Variants in NTNG2 observed in about 807,000 individuals in gnomAD.
NTNG2 encodes netrin-G2.
Under a neutral mutation model 47.6 loss-of-function variants are expected in NTNG2, and 15 were observed. The observed-to-expected ratio is 0.32, with a 90% CI of 0.21 to 0.49. NTNG2 has a LOEUF of 0.49. NTNG2 is among the 20% of genes least tolerant of loss of function. NTNG2 has a pLI of 0.99. For missense variants in NTNG2, 578 were observed against 764.6 expected, an observed-to-expected ratio of 0.76 and a Z score of 2.88; for synonymous variants, 307 against 324.6, an observed-to-expected ratio of 0.95 and a Z score of 0.58.
rs538095731 is a variant in NTNG2, at chr9:132,191,593, T to C, written c.214-6373T>C. Among the ~76,000 whole-genome samples, 133 of 152,190 alleles carry C rather than the reference T, an allele frequency of 8.7e-4. 1 individual carries two copies. Among genetic ancestry groups the C allele is most frequent in the African/African-American group, 3.0e-3 (124 of 41,536 alleles). ...TTTTTTTTTTCTTTTAGACAGAGTCTTGCTCTGTCGCCCAGGCTGGAGTGC... is the reference window on the plus strand; with the variant it reads ...TTTTTTTTTTCTTTTAGACAGAGTCCTGCTCTGTCGCCCAGGCTGGAGTGC... On this transcript the variant is annotated intron_variant, in intron 2 of 7. Transcript: ENST00000393229.
chr9:132,177,821 C>G (rs1387341736), intron 2 of NTNG2, among the ~76,000 whole-genome samples: 1 of 152,132 alleles, frequency 6.6e-6, no homozygotes, highest in African/African-American at 2.4e-5. Context: ...GCACGCCCAG[C>G]TAATTTTTGT....
At chr9:132,177,643 T>TG (rs1836565884) in intron 2 of NTNG2, among the ~76,000 whole-genome samples, 1 of 152,156 alleles carries the variant, frequency 6.6e-6, no homozygotes, top group Admixed American at 6.5e-5. Context: ...CTCAAATCTC[T>TG]GGGTTTTTTT....
chr9:132,171,141 T>C (rs1589364809), intron 2 of NTNG2, among the ~76,000 whole-genome samples: 1 of 152,020 alleles, frequency 6.6e-6, no homozygotes, highest in Non-Finnish European at 1.5e-5. Context: ...CAGTGGAAGG[T>C]TCCAGAGAGA....
At position 132,231,824 on chromosome 9, in the gene NTNG2, A is replaced by C. The variant is rs962912827; in HGVS notation, c.1054+1229A>C. 6.3e-6 allele frequency: 1 copy of C among 157,674 alleles called. No individual in the cohort carries two copies. Among genetic ancestry groups the C allele is most frequent in the South Asian group, 1.7e-4 (1 of 5,762 alleles). 9.8% of individuals were successfully genotyped at this position (157,674 alleles called of 1,614,324 possible). ...AGGGTACAGCGACCCCTGTCATCCC[A>C]CCCTCTCCTGCTTCTAGCCTGGGTC... On this transcript the variant is annotated intron_variant, in intron 5 of 7. Transcript: ENST00000393229. This position sits in a 1 kb window ranked among gnomAD's most constrained non-coding sequence, Gnocchi z 4.1.
In NTNG2 at chr9:132,240,911, G is replaced by A; in HGVS notation, c.1224G>A (p.Glu408=). Residue 408 remains glutamate (E), a splice_region_variant and synonymous_variant, in exon 7 of 8, where the codon GAG becomes GAA. Coordinates refer to ENST00000393229, the MANE Select transcript of NTNG2 (RefSeq NM_032536.4). The part of the protein sequence containing the change: ...AELDDENVCI[E]CNCNQIGSVH... ...GCGCCCGTGCCCGTGTCCGTCCAGA[G>A]TGTAACTGCAACCAGATAGGCTCCG... The A allele has an allele frequency of 6.2e-7, 1 of 1,612,914 alleles. No individual in the cohort carries two copies. The highest frequency in any genetic ancestry group is 8.5e-7 in the Non-Finnish European group (1 of 1,179,848).
At chr9:132,209,465 G>A (rs947887911) in intron 3 of NTNG2, among the ~76,000 whole-genome samples, 7 of 152,196 alleles carry the variant, frequency 4.6e-5, no homozygotes, top group East Asian at 1.9e-4. Context: ...CCGGGGAGCC[G>A]GGCGGGCTGC....
At chr9:132,170,626 G>A (rs557750063) in intron 2 of NTNG2, among the ~76,000 whole-genome samples, 7 of 152,322 alleles carry the variant, frequency 4.6e-5, no homozygotes, top group South Asian at 2.1e-4. Context: ...TGTGGTCCCC[G>A]TGAGAGGAAG....
At chr9:132,241,241 G>C (rs1452329034) in intron 7 of NTNG2, among the ~76,000 whole-genome samples, 197 bp downstream of exon 7, 1 of 151,226 alleles carries the variant, frequency 6.6e-6, no homozygotes, top group Non-Finnish European at 1.5e-5. Context: ...ACGGGGCAGG[G>C]CCGGGGCAGT....
chr9:132,178,593 G>A (rs1042275478), intron 2 of NTNG2, among the ~76,000 whole-genome samples: 22 of 151,774 alleles, frequency 1.4e-4, no homozygotes, highest in African/African-American at 4.6e-4. Context: ...CCCAGGCCCC[G>A]AGTTCCCCAA....
In NTNG2 at chr9:132,242,613, A is replaced by C. The variant is rs751828787; in HGVS notation, c.*502A>C. 6.6e-6 allele frequency: 1 copy of C among 151,518 alleles called. No individual in the cohort carries two copies. The highest frequency in any genetic ancestry group is 3.4e-3 in the Middle Eastern group (1 of 294). The allele number at this position is 151,518 out of a possible 1,614,324, so 9.4% of individuals were successfully genotyped here. A position where few individuals can be genotyped will look rare whatever the true frequency, so the allele number is the denominator to read the frequency against. ...CTATTCTTTATTTTTCCTGCAACCC[A>C]CCAGACCCCAGGCCTCACCGGAGGC... On this transcript the variant is annotated 3_prime_UTR_variant, in exon 8 of 8. Transcript: ENST00000393229. This position sits in a 1 kb window ranked among gnomAD's most constrained non-coding sequence, Gnocchi z 5.9.
intron 3 of NTNG2, among the ~76,000 whole-genome samples, chr9:132,222,162 G>A (rs558336874): frequency 1.3e-5 from 2 of 152,360 alleles, no homozygotes; most frequent in East Asian, 1.9e-4. Flanking sequence ...CTGCTGAGAT[G>A]TATTATGACC....
intron 3 of NTNG2, among the ~76,000 whole-genome samples, chr9:132,202,248 T>C (rs1838819787): frequency 6.6e-6 from 1 of 151,972 alleles, no homozygotes; most frequent in Non-Finnish European, 1.5e-5. Context: ...CAGGCAGCAA[T>C]GTAGGCAGGA....
Position 132,189,237 on chromosome 9 carries a change from C to T in NTNG2, c.214-8729C>T, listed in dbSNP as rs116127222. Among the ~76,000 whole-genome samples, 1,126 of 151,654 alleles carry T rather than the reference C, an allele frequency of 7.4e-3. 20 individuals carry two copies. Among genetic ancestry groups the T allele is most frequent in the African/African-American group, 0.026 (1,084 of 41,340 alleles). ...GACCACTGGTGTGTGCCACCATGCC[C>T]GGCTAGTTTTCTTTTTTGTTTTTTG... On this transcript the variant is annotated intron_variant, in intron 2 of 7. Coordinates refer to ENST00000393229, the MANE Select transcript of NTNG2 (RefSeq NM_032536.4).
At position 132,239,270 on chromosome 9, in the gene NTNG2, T is replaced by C. The variant is rs757290644; in HGVS notation, c.1221T>C (p.Ile407=). Residue 407 remains isoleucine (I), a splice_region_variant and synonymous_variant, in exon 6 of 8, where the codon ATT becomes ATC. Transcript: ENST00000393229. The part of the protein sequence containing the change: ...SAELDDENVC[I]ECNCNQIGSV... ...AGCTGGATGATGAGAACGTCTGCAT[T>C]GGTGAGAGGGCACGGACACGGCACA... 4.3e-6 allele frequency: 7 copies of C among 1,613,328 alleles called. No individual in the cohort carries two copies. In the African/African-American group the frequency reaches 6.7e-5, roughly 15 times the overall value.
chr9:132,211,392 C>G (rs571727129), intron 3 of NTNG2, among the ~76,000 whole-genome samples: 109 of 152,286 alleles, frequency 7.2e-4, no homozygotes, highest in African/African-American at 2.5e-3. Context: ...CTTGCCCTTT[C>G]TGTAGTTTTT....
Position 132,242,178 on chromosome 9 carries a change from C to A in NTNG2, c.*67C>A. On this transcript the variant is annotated 3_prime_UTR_variant, in exon 8 of 8. Transcript: ENST00000393229. The surrounding 1 kb of genome is among the most constrained non-coding windows in gnomAD (Gnocchi z 5.9). ...TCCCGGGGTCCCGGGGCGGGGCCGGCGTCCGAGGCCGGGCGGTGAGAAGGG... is the reference window on the plus strand; with the variant it reads ...TCCCGGGGTCCCGGGGCGGGGCCGGAGTCCGAGGCCGGGCGGTGAGAAGGG... The A allele has an allele frequency of 2.6e-6, 2 of 770,312 alleles. No homozygotes were observed. Among genetic ancestry groups the A allele is most frequent in the Non-Finnish European group, 3.2e-6 (2 of 616,328 alleles). The allele number at this position is 770,312 out of a possible 1,614,324, so 47.7% of individuals were successfully genotyped here.
At chr9:132,235,046 T>G (rs1283766198) in intron 5 of NTNG2, among the ~76,000 whole-genome samples, 1 of 152,204 alleles carries the variant, frequency 6.6e-6, no homozygotes, top group African/African-American at 2.4e-5. Context: ...GTCCCGTTAG[T>G]CTACGGGCTG....
chr9:132,202,494 C>G (rs1368686129), intron 3 of NTNG2, among the ~76,000 whole-genome samples: 3 of 152,192 alleles, frequency 2.0e-5, no homozygotes, highest in Non-Finnish European at 4.4e-5. Flanking sequence ...GGAGCCTGCT[C>G]CACGTGCCCA....
chr9:132,167,387 T>C (rs1016794214), intron 2 of NTNG2, among the ~76,000 whole-genome samples: 4 of 152,246 alleles, frequency 2.6e-5, no homozygotes, highest in Non-Finnish European at 4.4e-5. Flanking sequence ...GTCAGCATTC[T>C]GGGCGAGTGA....
Sources: gnomAD v4.1 joint callset for allele counts (sites outside exome capture counted in the v4.1 genomes callset) on GRCh38, gnomAD v4.1.1 for gene constraint, Gnocchi (gnomAD v3.1) non-coding constraint, MANE v1.5 for transcripts, NCBI Gene and HGNC (gene_info 2026-07-23, HGNC 2026-07-21) for gene names.